ENOX2: variants seen among roughly 807,000 people sequenced by gnomAD.
The protein encoded by ENOX2 is APK1 antigen.
In ENOX2, 36 loss-of-function variants were observed where a neutral mutation model predicts 45.0. The observed-to-expected ratio is 0.80, with a 90% confidence interval of 0.61 to 1.06. The LOEUF (loss-of-function observed/expected upper bound fraction) is 1.06, where lower values mean the gene tolerates loss of function less well. Among genes scored for constraint, ENOX2 ranks in the 50% least tolerant of loss-of-function variants. The probability of loss-of-function intolerance (pLI) is 0.00; values close to 1 mark genes in which losing one functional copy is unlikely to be tolerated. For synonymous variants in ENOX2, 174 were observed against 152.3 expected (o/e 1.14, Z -1.05); for missense variants, 423 against 462.5 (o/e 0.91, Z 0.78).
intron 2 of ENOX2, among the ~76,000 whole-genome samples, chrX:130,856,206 C>A (rs2078305969): frequency 8.9e-6 from 1 of 112,441 alleles, no homozygotes; most frequent in Non-Finnish European, 1.9e-5. Context: ...TGGTATTACA[C>A]GTAGCACCAT....
intron 3 of ENOX2, among the ~76,000 whole-genome samples, chrX:130,721,613 C>T (rs766201852): frequency 3.6e-5 from 4 of 111,315 alleles, no homozygotes; most frequent in Admixed American, 9.5e-5. Flanking sequence ...ATAGGAGACT[C>T]GGGCAGAGGG....
chrX:130,725,189 A>G (rs2038576444), intron 3 of ENOX2, among the ~76,000 whole-genome samples: 1 of 110,687 alleles, frequency 9.0e-6, no homozygotes, highest in African/African-American at 3.3e-5. Flanking sequence ...TTAATCTGTT[A>G]AACATGTTTT....
intron 2 of ENOX2, among the ~76,000 whole-genome samples, chrX:130,832,825 T>C (rs1384388982): frequency 9.0e-6 from 1 of 110,992 alleles, no homozygotes; most frequent in Non-Finnish European, 1.9e-5. Flanking sequence ...GTAGAAAGCA[T>C]ATCTGCCTTC....
chrX:130,652,245 C>G (rs1246930287), intron 10 of ENOX2, among the ~76,000 whole-genome samples: 1 of 112,038 alleles, frequency 8.9e-6, no homozygotes, highest in Non-Finnish European at 1.9e-5. Context: ...TTGGTTTCCA[C>G]AACCCAATTC....
chrX:130,625,509 T>C, intron 14 of ENOX2, 64 bp from the exon 15 acceptor site: 5 of 1,111,310 alleles, frequency 4.5e-6, no homozygotes, highest in Non-Finnish European at 6.1e-6. Context: ...TCTTTCCCAG[T>C]GTTGCCTACT....
intron 2 of ENOX2, among the ~76,000 whole-genome samples, chrX:130,849,447 A>G (rs751902687): frequency 3.6e-5 from 4 of 112,532 alleles, no homozygotes; most frequent in Non-Finnish European, 7.5e-5. Context: ...TAAACAATCA[A>G]TCAAGAATAA....
At chrX:130,631,666 G>A (rs888441128) in intron 12 of ENOX2, 90 bp from the exon 13 acceptor site, 5 of 495,120 alleles carry the variant, frequency 1.0e-5, no homozygotes, top group Admixed American at 5.3e-5. Flanking sequence ...CTTAACACAG[G>A]ACCATAAAAA....
In ENOX2 at chrX:130,682,018, C is replaced by G. The variant is rs953264035; in HGVS notation, c.254-2270G>C. Among the ~76,000 whole-genome samples, 356 of 104,614 alleles carry G rather than the reference C, an allele frequency of 3.4e-3. 2 individuals carry two copies. The highest frequency in any genetic ancestry group is 0.014 in the Middle Eastern group (3 of 208). 90.8% of individuals were successfully genotyped at this position (104,614 alleles called of 115,157 possible). The stretch of plus-strand genomic sequence containing the variant: ...ATGGCTTTGACCATGGAACACAACC[C>G]CCCCCCCCACCGACTATATAAGGTA... On this transcript the variant is annotated intron_variant, in intron 5 of 14. Transcript: ENST00000394363.
In ENOX2 at chrX:130,754,739, G is replaced by T. The variant is rs746820727; in HGVS notation, c.-39+28808C>A. Among the ~76,000 whole-genome samples the T allele has an allele frequency of 2.3e-3, 257 of 110,208 alleles. 1 individual carries two copies. Among genetic ancestry groups the T allele is most frequent in the Middle Eastern group, 4.6e-3 (1 of 216 alleles). ...CAATCAACACGGGGGATTACAAAAG[G>T]GGGAGGGGAGAGAGGAAGGGAAGCA... On this transcript the variant is annotated intron_variant, in intron 3 of 14. Coordinates refer to ENST00000394363, the MANE Select transcript of ENOX2 (RefSeq NM_006375.4).
chrX:130,758,539 C>T (rs1044972794), intron 3 of ENOX2, among the ~76,000 whole-genome samples: 3 of 112,271 alleles, frequency 2.7e-5, no homozygotes, highest in Admixed American at 1.9e-4. Context: ...CTGGGTTGTT[C>T]GTACTTTTTG....
chrX:130,828,634 GTAAAA>G (rs1337820151), intron 2 of ENOX2, among the ~76,000 whole-genome samples: 1 of 111,567 alleles, frequency 9.0e-6, no homozygotes, highest in Non-Finnish European at 1.9e-5. Context: ...TTTCCTTTCT[GTAAAA>G]TAAAATAATA....
chrX:130,745,125 A>G (rs1467046939), intron 3 of ENOX2, among the ~76,000 whole-genome samples: 1 of 111,701 alleles, frequency 9.0e-6, no homozygotes, highest in African/African-American at 3.3e-5. Context: ...AAGATTGAAG[A>G]GTATTACCAC....
intron 7 of ENOX2, among the ~76,000 whole-genome samples, chrX:130,668,571 C>T (rs1158147335): frequency 8.9e-6 from 1 of 112,060 alleles, no homozygotes; most frequent in East Asian, 2.8e-4. Flanking sequence ...CCAAGATAGC[C>T]ACTTATGCCT....
At chrX:130,685,220 C>T (rs1027396148) in intron 5 of ENOX2, among the ~76,000 whole-genome samples, 24 of 110,734 alleles carry the variant, frequency 2.2e-4, no homozygotes, top group East Asian at 5.7e-4. Context: ...TCAGTGTGAC[C>T]GGAACAGAGG....
At chrX:130,793,852 A>T (rs1046969371) in intron 2 of ENOX2, among the ~76,000 whole-genome samples, 9 of 112,421 alleles carry the variant, frequency 8.0e-5, no homozygotes, top group African/African-American at 2.9e-4. Flanking sequence ...CAGCAAAATC[A>T]CATTCCTCAT....
chrX:130,732,021 C>T (rs1376233414), intron 3 of ENOX2, among the ~76,000 whole-genome samples: 2 of 111,811 alleles, frequency 1.8e-5, no homozygotes, highest in African/African-American at 6.5e-5. Context: ...GGCAAGAAAA[C>T]GAAATAAGCA....
intron 10 of ENOX2, among the ~76,000 whole-genome samples, chrX:130,641,493 C>T (rs2036081160): frequency 9.1e-6 from 1 of 110,318 alleles, no homozygotes; most frequent in Non-Finnish European, 1.9e-5. Context: ...CTGAGGTGGG[C>T]AGATCATGAG....
At chrX:130,762,427 T>C (rs184594634) in intron 3 of ENOX2, among the ~76,000 whole-genome samples, 1 of 111,558 alleles carries the variant, frequency 9.0e-6, no homozygotes, top group Non-Finnish European at 1.9e-5. Context: ...AAAAAAAATT[T>C]AAAAATTAGC....
chrX:130,656,544 C>T (rs777617964), intron 10 of ENOX2, 37 bp downstream of exon 10: 3 of 849,674 alleles, frequency 3.5e-6, no homozygotes, highest in South Asian at 4.2e-5. Context: ...TCTGCAAGTA[C>T]ATGTTTATTA....
Sources: gnomAD v4.1 joint callset for allele counts (sites outside exome capture counted in the v4.1 genomes callset) on GRCh38, gnomAD v4.1.1 for gene constraint, MANE v1.5 for transcripts, NCBI Gene and HGNC (gene_info 2026-07-23, HGNC 2026-07-21) for gene names.